The following AATF variants were observed in gnomAD, a reference collection of about 807,000 sequenced individuals.
The protein encoded by AATF is protein AATF.
Under a neutral mutation model 63.7 loss-of-function variants are expected in AATF, and 48 were observed. That is an observed-to-expected ratio of 0.75 (90% CI 0.60 to 0.96). The LOEUF is 0.96. Among genes scored for constraint, AATF ranks in the 40% least tolerant of loss-of-function variants. The pLI, the probability that AATF is intolerant of heterozygous loss-of-function variation, is 0.00. For synonymous variants in AATF, 258 were observed against 247.7 expected, an observed-to-expected ratio of 1.04 and a Z score of -0.39; for missense variants, 639 against 685.7, an observed-to-expected ratio of 0.93 and a Z score of 0.76.
chr17:37,023,322 C>T (rs982957187), intron 10 of AATF, among the ~76,000 whole-genome samples: 1 of 151,972 alleles, frequency 6.6e-6, no homozygotes, highest in African/African-American at 2.4e-5. Context: ...AAAGAAAAAA[C>T]CAGGATTTTG....
At chr17:36,999,151 C>T (rs1274519131) in intron 8 of AATF, 1 of 152,138 alleles carries the variant, frequency 6.6e-6, no homozygotes, top group Non-Finnish European at 1.5e-5. Context: ...TCCACTGTTA[C>T]TTATTTCAGG....
At chr17:36,994,209 G>A (rs779336289) in intron 8 of AATF, among the ~76,000 whole-genome samples, 1 of 152,110 alleles carries the variant, frequency 6.6e-6, no homozygotes, top group Non-Finnish European at 1.5e-5. Context: ...CTTAGACCAA[G>A]TCTTGCTCTG....
At chr17:36,976,116 G>A (rs1195902654) in intron 4 of AATF, among the ~76,000 whole-genome samples, 1 of 152,104 alleles carries the variant, frequency 6.6e-6, no homozygotes, top group Non-Finnish European at 1.5e-5. Flanking sequence ...TTTATCATGT[G>A]ATGGTATTGG....
At position 36,970,653 on chromosome 17, in the gene AATF, C is replaced by T. The variant is rs563174174; in HGVS notation, c.833-15964C>T. ...GCTCCTGGCTCATGCAGTCTTCCCA[C>T]CCTAACCTCCTGAGTAGCTGGGACT... On this transcript the variant is annotated intron_variant, in intron 4 of 11. Transcript: ENST00000619387. Among the ~76,000 whole-genome samples, 19 of 151,822 alleles carry T rather than the reference C, an allele frequency of 1.3e-4. No individual in the cohort carries two copies. The East Asian group carries it at 3.3e-3, about 26-fold the overall frequency.
chr17:36,960,227 C>T (rs981526009), intron 4 of AATF, among the ~76,000 whole-genome samples: 7 of 152,022 alleles, frequency 4.6e-5, no homozygotes, highest in African/African-American at 7.2e-5. Flanking sequence ...TTGGCCAGGC[C>T]GGTCTTGAAC....
chr17:37,004,077 C>A (rs908619163), intron 8 of AATF, among the ~76,000 whole-genome samples: 1 of 151,950 alleles, frequency 6.6e-6, no homozygotes, highest in Non-Finnish European at 1.5e-5. Context: ...CGCCTGTAAT[C>A]CTAGCACTTT....
chr17:36,978,398 A>G (rs933531411), intron 4 of AATF, among the ~76,000 whole-genome samples: 2 of 152,150 alleles, frequency 1.3e-5, no homozygotes, highest in Non-Finnish European at 2.9e-5. Context: ...ACACTCCTGC[A>G]TAGATCGCAC....
chr17:37,019,206 G>A lies in AATF; in HGVS notation c.1466+134G>A, dbSNP rs977049991. 5 of 712,276 alleles carry A rather than the reference G, an allele frequency of 7.0e-6. No homozygotes were observed. In the South Asian group the frequency reaches 9.1e-5, roughly 13 times the overall value. The allele number at this position is 712,276 out of a possible 1,614,324, so 44.1% of individuals were successfully genotyped here. A position where few individuals can be genotyped will look rare whatever the true frequency, so the allele number is the denominator to read the frequency against. ...AAGTTAAGCAAGTAAGAGCTAGAAA[G>A]AAAATGTGACTAATTGTTTACCCTA... On this transcript the variant is annotated intron_variant, in intron 9 of 11. Coordinates refer to ENST00000619387, the MANE Select transcript of AATF (RefSeq NM_012138.4).
Position 37,001,455 on chromosome 17 carries a change from G to GA in AATF, c.1398+10612dup, listed in dbSNP as rs200318079. 1.4e-4 allele frequency among the ~76,000 whole-genome samples: 10 copies of GA among 72,934 alleles called. No individual in the cohort carries two copies. The South Asian group carries it at 1.8e-3, about 13-fold the overall frequency. 47.8% of individuals were successfully genotyped at this position (72,934 alleles called of 152,430 possible). ...AGGAAGGAAGGAAGGAAGGAAGGAA[G>GA]AAAAAAAAAAAAAAGGAACATAAAA... On this transcript the variant is annotated intron_variant, in intron 8 of 11. Transcript: ENST00000619387.
intron 8 of AATF, among the ~76,000 whole-genome samples, chr17:37,010,113 T>G (rs1247515229): frequency 6.6e-6 from 1 of 152,012 alleles, no homozygotes; most frequent in Non-Finnish European, 1.5e-5. Context: ...GTGTGTGTGG[T>G]GGGGGAAATG....
At chr17:36,999,197 G>A (rs1054528265) in intron 8 of AATF, 5 of 152,232 alleles carry the variant, frequency 3.3e-5, no homozygotes, top group African/African-American at 1.2e-4. Flanking sequence ...AGGTAGAAGA[G>A]GGTTCATTTT....
At position 37,018,350 on chromosome 17, in the gene AATF, G is replaced by GA. The variant is rs1300057263; in HGVS notation, c.1399-654dup. Reference sequence around the variant, plus strand: ...ATGGAGTTAATTGTATTGGATGAGAGACTAATCCTCTGTGGTATATTTGCA... The same window carrying GA: ...ATGGAGTTAATTGTATTGGATGAGAGAACTAATCCTCTGTGGTATATTTGCA... On this transcript the variant is annotated intron_variant, in intron 8 of 11. Coordinates refer to ENST00000619387, the MANE Select transcript of AATF (RefSeq NM_012138.4). 2.2e-4 allele frequency among the ~76,000 whole-genome samples: 33 copies of GA among 152,302 alleles called. 1 individual carries two copies. The East Asian group carries it at 6.2e-3, about 28-fold the overall frequency.
chr17:36,989,284 T>C lies in AATF; in HGVS notation c.1187T>C (p.Ile396Thr). The C allele has an allele frequency of 3.7e-6, 6 of 1,613,844 alleles. No homozygotes were observed. The highest frequency in any genetic ancestry group is 5.1e-6 in the Non-Finnish European group (6 of 1,179,874). The change falls in exon 7 of 12, where the codon ATC becomes ACC. Residue 396 changes from isoleucine to threonine, a missense_variant. By Grantham distance (89) the Ile-to-Thr change is moderately conservative. Transcript: ENST00000619387. ...TTTGAACGCTCAATCTTGACTCAGATCGACCATATTCTGATGGACAAAGAG... is the reference window on the plus strand; with the variant it reads ...TTTGAACGCTCAATCTTGACTCAGACCGACCATATTCTGATGGACAAAGAG... ...GAFERSILTQ[I>T]DHILMDKERL...
chr17:37,003,076 T>C (rs1360018475), intron 8 of AATF, among the ~76,000 whole-genome samples: 2 of 152,132 alleles, frequency 1.3e-5, no homozygotes, highest in African/African-American at 4.8e-5. Flanking sequence ...ATCAAGACAT[T>C]GTGGTGCTGG....
In AATF at chr17:36,950,397, G is replaced by A. The variant is rs563928477; in HGVS notation, c.275G>A (p.Gly92Glu). The change falls in exon 2 of 12, where the codon GGA (glycine) becomes GAA (glutamate). Residue 92 changes from glycine to glutamate, a missense_variant. By Grantham distance (98) the Gly-to-Glu change is moderately conservative (BLOSUM62 -2). Transcript: ENST00000619387. Reference sequence around the variant, plus strand: ...GACCATTGGGAGCAGACTCTGCCAGGATCGTCTGGTGAGTAGACATTTTTG... The same window carrying A: ...GACCATTGGGAGCAGACTCTGCCAGAATCGTCTGGTGAGTAGACATTTTTG... ...NEDHWEQTLP[G>E]SSDEEISDEE... 3.1e-6 allele frequency: 5 copies of A among 1,613,948 alleles called. No individual in the cohort carries two copies. The African/African-American group carries it at 6.7e-5, about 22-fold the overall frequency.
chr17:37,026,635 A>G (rs2071513109), intron 10 of AATF, among the ~76,000 whole-genome samples: 1 of 152,252 alleles, frequency 6.6e-6, no homozygotes, highest in African/African-American at 2.4e-5. Context: ...ACAATTTTAT[A>G]GGGTGGTTAT....
chr17:36,989,532 T>G (rs1410908959), intron 7 of AATF, 121 bp downstream of exon 7: 3 of 1,032,532 alleles, frequency 2.9e-6, no homozygotes, highest in African/African-American at 1.6e-5. Context: ...AAAGCAACAC[T>G]ACTTTACTGG....
chr17:36,988,717 G>GAAGGC lies in AATF; in HGVS notation c.1149+1_1149+5dup. ...CCAAACTGGCTTCTGGAAAACTGGG[G>GAAGGC]AAGGCAAGTGTGTGTATGCGCGCAT... On this transcript the variant is annotated frameshift_variant, in exon 6 of 12. Transcript: ENST00000619387. LOFTEE classifies it high-confidence loss of function. The GAAGGC allele has an allele frequency of 6.2e-7, 1 of 1,613,728 alleles. No individual in the cohort carries two copies. The highest frequency in any genetic ancestry group is 1.1e-5 in the South Asian group (1 of 91,054).
intron 11 of AATF, among the ~76,000 whole-genome samples, chr17:37,035,384 G>A (rs940252863): frequency 8.7e-5 from 13 of 149,942 alleles, no homozygotes; most frequent in African/African-American, 2.5e-4. Flanking sequence ...ATGCACACAC[G>A]CCCTCCTTTT....
Sources: allele counts gnomAD v4.1 joint callset (sites outside exome capture counted in the v4.1 genomes callset), GRCh38; gene constraint gnomAD v4.1.1; transcripts MANE v1.5; gene names NCBI Gene and HGNC (gene_info 2026-07-23, HGNC 2026-07-21).